The following GLCCI1 variants were observed in gnomAD, a reference collection of about 807,000 sequenced individuals.
GLCCI1 encodes glucocorticoid-induced transcript 1 protein.
In GLCCI1, 24 loss-of-function variants were observed where a neutral mutation model predicts 52.2. The observed-to-expected ratio is 0.46, with a 90% CI of 0.33 to 0.65. The LOEUF is 0.65. Among genes scored for constraint, GLCCI1 ranks in the 30% least tolerant of loss-of-function variants. The probability of loss-of-function intolerance (pLI) is 0.02; values close to 1 mark genes in which losing one functional copy is unlikely to be tolerated. For missense variants in GLCCI1, 704 were observed against 701.5 expected (o/e 1.00, Z -0.04); for synonymous variants, 310 against 276.5 (o/e 1.12, Z -1.20).
intron 2 of GLCCI1, among the ~76,000 whole-genome samples, chr7:8,008,072 T>G (rs1357961749): frequency 1.3e-5 from 2 of 149,836 alleles, no homozygotes; most frequent in Non-Finnish European, 3.0e-5. Flanking sequence ...TTACCTCATT[T>G]TTTTATGTGT....
At chr7:8,082,267 C>G (rs1350651422) in intron 6 of GLCCI1, among the ~76,000 whole-genome samples, 1 of 151,992 alleles carries the variant, frequency 6.6e-6, no homozygotes, top group Admixed American at 6.5e-5. Flanking sequence ...CTTTGTAAGG[C>G]AAGAAAAAAT....
intron 3 of GLCCI1, among the ~76,000 whole-genome samples, chr7:8,047,406 T>A (rs999303291): frequency 2.6e-5 from 4 of 152,244 alleles, no homozygotes; most frequent in African/African-American, 9.6e-5. Flanking sequence ...TATAAAGCAT[T>A]AAGTAGGGTT....
intron 1 of GLCCI1, among the ~76,000 whole-genome samples, chr7:7,989,547 A>C (rs1447717163): frequency 6.6e-6 from 1 of 152,122 alleles, no homozygotes; most frequent in Non-Finnish European, 1.5e-5. Context: ...TATTAACGAG[A>C]AATATGGAGC....
At chr7:8,081,969 T>C (rs888692552) in intron 6 of GLCCI1, among the ~76,000 whole-genome samples, 1 of 152,184 alleles carries the variant, frequency 6.6e-6, no homozygotes, top group East Asian at 1.9e-4. Context: ...TAAAGTAACA[T>C]TTAACCTAAT....
At chr7:8,016,297 G>A (rs955508598) in intron 2 of GLCCI1, among the ~76,000 whole-genome samples, 3 of 152,070 alleles carry the variant, frequency 2.0e-5, no homozygotes, top group African/African-American at 7.2e-5. Context: ...GTGAAACCCC[G>A]TCTCTACTAA....
At chr7:8,071,206 C>CA in intron 6 of GLCCI1, 75 bp downstream of exon 6, 2 of 884,444 alleles carry the variant, frequency 2.3e-6, no homozygotes, top group Non-Finnish European at 3.3e-6. Flanking sequence ...ACCATTACAT[C>CA]TTTTTTTTTT....
At chr7:8,060,008 A>G in intron 4 of GLCCI1, 88 bp from the exon 5 acceptor site, 1 of 1,093,444 alleles carries the variant, frequency 9.1e-7, no homozygotes. Flanking sequence ...CCGTTCATTG[A>G]GTTTCAATTT....
intron 3 of GLCCI1, among the ~76,000 whole-genome samples, chr7:8,052,423 T>A (rs977125460): frequency 2.6e-5 from 4 of 152,224 alleles, no homozygotes; most frequent in African/African-American, 9.7e-5. Flanking sequence ...AATTTCCTAG[T>A]TTTGAGTTGG....
At chr7:8,011,749 T>G (rs1474687902) in intron 2 of GLCCI1, among the ~76,000 whole-genome samples, 1 of 152,198 alleles carries the variant, frequency 6.6e-6, no homozygotes, top group Non-Finnish European at 1.5e-5. Flanking sequence ...TGTAGTATTT[T>G]ATACTCACAT....
chr7:7,981,264 T>TTC (rs1780610232), intron 1 of GLCCI1: 1 of 246,410 alleles, frequency 4.1e-6, no homozygotes, highest in African/African-American at 2.4e-5. Flanking sequence ...CTTTCTCTTT[T>TTC]TTTCTTTCTT....
At chr7:8,083,789 C>G (rs1562454814) in intron 6 of GLCCI1, among the ~76,000 whole-genome samples, 1 of 152,160 alleles carries the variant, frequency 6.6e-6, no homozygotes, top group African/African-American at 2.4e-5. Context: ...TCACAAGACT[C>G]TAACAAGCAT....
intron 2 of GLCCI1, among the ~76,000 whole-genome samples, chr7:8,021,595 G>A (rs1004343852): frequency 5.3e-5 from 8 of 152,190 alleles, no homozygotes; most frequent in Admixed American, 2.0e-4. Context: ...TAGAGGCGGG[G>A]TTTCACCATG....
At chr7:8,004,422 C>T (rs1583963597) in intron 2 of GLCCI1, among the ~76,000 whole-genome samples, 2 of 152,096 alleles carry the variant, frequency 1.3e-5, no homozygotes, top group South Asian at 4.1e-4. Context: ...AAAGTAGTAA[C>T]AAATGCCTAA....
intron 2 of GLCCI1, among the ~76,000 whole-genome samples, chr7:8,016,881 G>A (rs1781391544): frequency 6.6e-6 from 1 of 152,182 alleles, no homozygotes; most frequent in South Asian, 2.1e-4. Flanking sequence ...GACAGGAAAA[G>A]TCTTTATTAC....
chr7:7,980,941 A>G (rs1780601333), intron 1 of GLCCI1: 3 of 594,652 alleles, frequency 5.0e-6, no homozygotes, highest in South Asian at 3.4e-5. Flanking sequence ...AGAACCTACA[A>G]GGGAACAATT....
At chr7:8,031,819 C>A (rs1265685788) in intron 3 of GLCCI1, among the ~76,000 whole-genome samples, 1 of 151,848 alleles carries the variant, frequency 6.6e-6, no homozygotes, top group African/African-American at 2.4e-5. Context: ...GCAATGTAGA[C>A]TTTAATACAA....
At chr7:8,037,747 A>G (rs10248588) in intron 3 of GLCCI1, among the ~76,000 whole-genome samples, 63,380 of 151,950 alleles carry the variant, frequency 0.42, 13,475 homozygotes, top group Middle Eastern at 0.52. Flanking sequence ...GAGTAGTCAT[A>G]CTTACATCAG....
chr7:8,074,965 A>G (rs1054492846), intron 6 of GLCCI1, among the ~76,000 whole-genome samples: 4 of 152,144 alleles, frequency 2.6e-5, no homozygotes, highest in Non-Finnish European at 5.9e-5. Context: ...GGAGAGGGAT[A>G]GCTGCAGTGA....
chr7:8,005,629 G>A (rs1019991813), intron 2 of GLCCI1, among the ~76,000 whole-genome samples: 1 of 152,068 alleles, frequency 6.6e-6, no homozygotes, highest in Non-Finnish European at 1.5e-5. Context: ...TTACTGAACT[G>A]GGATTATAGG....
Sources: allele counts gnomAD v4.1 joint callset (sites outside exome capture counted in the v4.1 genomes callset), GRCh38; gene constraint gnomAD v4.1.1; transcripts MANE v1.5; gene names NCBI Gene and HGNC (gene_info 2026-07-23, HGNC 2026-07-21).